Variants in SIPA1L3 observed in about 807,000 individuals in gnomAD.
SIPA1L3 encodes signal-induced proliferation-associated 1-like protein 3.
In SIPA1L3, 59 loss-of-function variants were observed where a neutral mutation model predicts 150.1. The observed-to-expected ratio is 0.39, with a 90% CI of 0.32 to 0.49. The LOEUF is 0.49. Ranked by LOEUF, SIPA1L3 falls within the 20% of genes least tolerant of loss-of-function variation. The pLI, the probability that SIPA1L3 is intolerant of heterozygous loss-of-function variation, is 0.86. For missense variants in SIPA1L3, 2,211 were observed against 2,489.5 expected, an observed-to-expected ratio of 0.89 and a Z score of 2.38; for synonymous variants, 1,070 against 1,077.6, an observed-to-expected ratio of 0.99 and a Z score of 0.14.
intron 9 of SIPA1L3, among the ~76,000 whole-genome samples, chr19:38,129,152 G>C (rs1384714136): frequency 2.0e-5 from 3 of 152,094 alleles, no homozygotes; most frequent in African/African-American, 4.8e-5. Context: ...CAGCATGCTG[G>C]GGGGAGGGGG....
At chr19:38,024,233 A>C (rs1230635372) in intron 1 of SIPA1L3, among the ~76,000 whole-genome samples, 1 of 152,194 alleles carries the variant, frequency 6.6e-6, no homozygotes, top group Non-Finnish European at 1.5e-5. Context: ...AGCCATGGTG[A>C]TAATGCCTGC....
At chr19:38,112,114 C>A (rs1970775078) in intron 8 of SIPA1L3, among the ~76,000 whole-genome samples, 1 of 151,282 alleles carries the variant, frequency 6.6e-6, no homozygotes, top group African/African-American at 2.4e-5. Context: ...CACACACATA[C>A]ATGCACACAC....
chr19:38,006,016 C>T (rs934015719), intron 1 of SIPA1L3, among the ~76,000 whole-genome samples: 1 of 152,138 alleles, frequency 6.6e-6, no homozygotes, highest in East Asian at 1.9e-4. Flanking sequence ...CAAGCCTGGG[C>T]GACAGAGTGA....
intron 2 of SIPA1L3, among the ~76,000 whole-genome samples, chr19:38,033,778 A>T (rs1968712430): frequency 6.6e-6 from 1 of 152,116 alleles, no homozygotes; most frequent in African/African-American, 2.4e-5. Context: ...TGGGCTTGGT[A>T]AGCACTGTAT....
intron 1 of SIPA1L3, among the ~76,000 whole-genome samples, chr19:37,961,177 T>A (rs2046855580): frequency 6.6e-6 from 1 of 151,710 alleles, no homozygotes; most frequent in South Asian, 2.1e-4. Context: ...CCCTTTTTTT[T>A]TTTTTTAATT....
At chr19:37,921,450 C>A (rs2046456803) in intron 1 of SIPA1L3, among the ~76,000 whole-genome samples, 1 of 152,174 alleles carries the variant, frequency 6.6e-6, no homozygotes, top group Non-Finnish European at 1.5e-5. Flanking sequence ...CCGTTTGTTG[C>A]ATCTGATGGT....
chr19:37,947,761 A>G (rs910133015), intron 1 of SIPA1L3, among the ~76,000 whole-genome samples: 1 of 152,176 alleles, frequency 6.6e-6, no homozygotes. Flanking sequence ...GCCTGGCTGG[A>G]AATATTGCAG....
chr19:38,199,668 G>A (rs1009153447), intron 19 of SIPA1L3, among the ~76,000 whole-genome samples: 1 of 152,276 alleles, frequency 6.6e-6, no homozygotes, highest in Middle Eastern at 3.4e-3. Context: ...CCATGGAGGT[G>A]CCTCCCCGGG....
At chr19:38,134,746 G>A (rs955339799) in intron 10 of SIPA1L3, among the ~76,000 whole-genome samples, 2 of 146,158 alleles carry the variant, frequency 1.4e-5, no homozygotes, top group Admixed American at 6.9e-5. Context: ...ACGTGGGACA[G>A]TACTTGGCCT....
chr19:38,114,860 C>T (rs1246485664), intron 8 of SIPA1L3, among the ~76,000 whole-genome samples: 2 of 152,178 alleles, frequency 1.3e-5, no homozygotes, highest in Non-Finnish European at 2.9e-5. Flanking sequence ...GCCGGGGTCG[C>T]GCAGTAGCTC....
At chr19:37,927,145 C>CTTTT (rs34057465) in intron 1 of SIPA1L3, among the ~76,000 whole-genome samples, 13 of 128,458 alleles carry the variant, frequency 1.0e-4, no homozygotes, top group Non-Finnish European at 1.1e-4. Flanking sequence ...TTTTCTTTTC[C>CTTTT]TTTTTTTTTT....
intron 13 of SIPA1L3, 147 bp downstream of exon 13, chr19:38,153,114 A>G: frequency 1.9e-6 from 2 of 1,062,034 alleles, no homozygotes; most frequent in Non-Finnish European, 2.6e-6. Flanking sequence ...AAGACTAGAG[A>G]GGGCACCTAG....
chr19:38,126,090 C>T (rs1220346118), intron 9 of SIPA1L3, among the ~76,000 whole-genome samples: 1 of 152,228 alleles, frequency 6.6e-6, no homozygotes, highest in South Asian at 2.1e-4. Flanking sequence ...AGAAGAATGG[C>T]GTGAACCCGG....
intron 10 of SIPA1L3, among the ~76,000 whole-genome samples, chr19:38,131,971 A>G (rs1971322031): frequency 6.6e-6 from 1 of 151,988 alleles, no homozygotes; most frequent in Non-Finnish European, 1.5e-5. Context: ...GACTGGGTTC[A>G]CACCTGTAAT....
chr19:38,031,864 C>T (rs1425060478), intron 2 of SIPA1L3, among the ~76,000 whole-genome samples: 2 of 152,170 alleles, frequency 1.3e-5, no homozygotes, highest in Non-Finnish European at 2.9e-5. Flanking sequence ...GCAGGAGGAT[C>T]GCTTGAGCCC....
intron 1 of SIPA1L3, among the ~76,000 whole-genome samples, chr19:37,973,571 T>G (rs1445367416): frequency 7.9e-6 from 1 of 126,264 alleles, no homozygotes; most frequent in Non-Finnish European, 1.6e-5. Flanking sequence ...GGGGGGCGCA[T>G]CTTGAAGCAC....
At chr19:38,006,271 C>T (rs144191595) in intron 1 of SIPA1L3, among the ~76,000 whole-genome samples, 1 of 151,964 alleles carries the variant, frequency 6.6e-6, no homozygotes, top group African/African-American at 2.4e-5. Context: ...CTGAAAGGCC[C>T]GAACCTAGAA....
At chr19:38,092,915 A>C (rs1410289087) in intron 4 of SIPA1L3, among the ~76,000 whole-genome samples, 1 of 141,566 alleles carries the variant, frequency 7.1e-6, no homozygotes, top group East Asian at 2.1e-4. Context: ...GCTGGAGGGC[A>C]GTGGCGTGAT....
intron 2 of SIPA1L3, among the ~76,000 whole-genome samples, chr19:38,044,231 C>T (rs76462361): frequency 0.096 from 14,613 of 152,206 alleles, 912 homozygotes; most frequent in Non-Finnish European, 0.13. Flanking sequence ...GTGGCTGAGT[C>T]TGTTCGGTGC....
Sources: gnomAD v4.1 joint callset for allele counts (sites outside exome capture counted in the v4.1 genomes callset) on GRCh38, gnomAD v4.1.1 for gene constraint, MANE v1.5 for transcripts, NCBI Gene and HGNC (gene_info 2026-07-23, HGNC 2026-07-21) for gene names.